PPP1R12A: variants seen among roughly 807,000 people sequenced by gnomAD.
The protein encoded by PPP1R12A is myosin binding subunit.
In PPP1R12A, 19 loss-of-function variants were observed where a neutral mutation model predicts 139.6. That is an observed-to-expected ratio of 0.14 (90% CI 0.09 to 0.20). The LOEUF is 0.20. Ranked by LOEUF, PPP1R12A falls within the 10% of genes least tolerant of loss-of-function variation. The pLI is 1.00. For synonymous variants in PPP1R12A, 427 were observed against 420.6 expected (o/e 1.02, Z -0.19); for missense variants, 925 against 1,211.5 (o/e 0.76, Z 3.51).
intron 1 of PPP1R12A, among the ~76,000 whole-genome samples, chr12:79,889,518 C>G (rs1003108988): frequency 6.6e-6 from 1 of 152,120 alleles, no homozygotes; most frequent in Non-Finnish European, 1.5e-5. Flanking sequence ...CTCCCATATC[C>G]CTGTATCTTT....
At chr12:79,922,726 C>A (rs1352945939) in intron 1 of PPP1R12A, among the ~76,000 whole-genome samples, 1 of 152,084 alleles carries the variant, frequency 6.6e-6, no homozygotes, top group Non-Finnish European at 1.5e-5. Context: ...AGGACAAATA[C>A]CTAATGCATG....
At chr12:79,928,811 G>A (rs183859020) in intron 1 of PPP1R12A, among the ~76,000 whole-genome samples, 33 of 152,258 alleles carry the variant, frequency 2.2e-4, no homozygotes, top group African/African-American at 6.7e-4. Flanking sequence ...CTTTACTGAC[G>A]AGAGGATCAC....
chr12:79,921,307 A>G (rs1017486390), intron 1 of PPP1R12A, among the ~76,000 whole-genome samples: 2 of 152,208 alleles, frequency 1.3e-5, no homozygotes, highest in Non-Finnish European at 1.5e-5. Context: ...AGGACAGATC[A>G]TATAAAAAGA....
intron 2 of PPP1R12A, among the ~76,000 whole-genome samples, chr12:79,864,732 T>C (rs368450836): frequency 2.0e-5 from 3 of 152,142 alleles, no homozygotes; most frequent in East Asian, 1.9e-4. Context: ...AAGAAATGGA[T>C]AAATTCCTCG....
rs1388113287 is a variant in PPP1R12A at position 79,796,819 on chromosome 12, A to G, written c.2424T>C (p.Ser808=). 3 of 1,611,590 alleles carry G rather than the reference A, an allele frequency of 1.9e-6. No individual in the cohort carries two copies. Among genetic ancestry groups the G allele is most frequent in the Non-Finnish European group, 1.7e-6 (2 of 1,178,172 alleles). ...NRPNSLVGIT[S]AYSRGITKEN... is the part of the protein sequence containing the mutation. ...CTTTTGTTATTCCTCTGGAGTAAGC[A>G]GAAGTTATGCCTACAAGACTATTTG... is the stretch of plus-strand genomic sequence containing the variant. The change falls in exon 17 of 25, where the codon TCT becomes TCC. Residue 808 remains serine, a synonymous_variant. Coordinates refer to ENST00000450142, the MANE Select transcript of PPP1R12A (RefSeq NM_002480.3).
chr12:79,812,821 A>G (rs1028565920), intron 9 of PPP1R12A, among the ~76,000 whole-genome samples: 2 of 152,060 alleles, frequency 1.3e-5, no homozygotes, highest in South Asian at 4.2e-4. Flanking sequence ...TATCTCTTCA[A>G]TCTCCTATGT....
chr12:79,861,958 G>A (rs1377986092), intron 2 of PPP1R12A, among the ~76,000 whole-genome samples: 2 of 152,184 alleles, frequency 1.3e-5, no homozygotes, highest in Non-Finnish European at 2.9e-5. Flanking sequence ...GAAGAGAGCA[G>A]TGGCTCTCCC....
At chr12:79,776,986 AAT>A (rs1869808326) in intron 24 of PPP1R12A, among the ~76,000 whole-genome samples, 1 of 152,148 alleles carries the variant, frequency 6.6e-6, no homozygotes, top group African/African-American at 2.4e-5. Context: ...ACGTGGAACC[AAT>A]ATGTTCTTAT....
chr12:79,842,318 A>G (rs1237038888), intron 3 of PPP1R12A, among the ~76,000 whole-genome samples: 1 of 152,182 alleles, frequency 6.6e-6, no homozygotes, highest in Non-Finnish European at 1.5e-5. Flanking sequence ...CGAAAACAAA[A>G]CAAAACAAAC....
chr12:79,813,341 T>C (rs1261100260), intron 9 of PPP1R12A, among the ~76,000 whole-genome samples: 1 of 152,200 alleles, frequency 6.6e-6, no homozygotes, highest in African/African-American at 2.4e-5. Flanking sequence ...TTAAGATTTA[T>C]CTAAAATGTC....
rs758716580 is a variant in PPP1R12A at position 79,832,311 on chromosome 12, T to G, written c.647+21A>C. On this transcript the variant is annotated intron_variant, in intron 4 of 24. Coordinates refer to ENST00000450142, the MANE Select transcript of PPP1R12A (RefSeq NM_002480.3). ...AGAAGACAAACTAAAATAGAAAAAC[T>G]CTGTAAAAAACAATACTTACTTTAA... 1.9e-6 allele frequency: 3 copies of G among 1,573,326 alleles called. No individual in the cohort carries two copies. In the South Asian group the frequency reaches 3.6e-5, roughly 19 times the overall value.
intron 1 of PPP1R12A, among the ~76,000 whole-genome samples, chr12:79,874,210 G>A (rs186390843): frequency 9.2e-4 from 139 of 151,302 alleles, no homozygotes; most frequent in Non-Finnish European, 1.7e-3. Flanking sequence ...GGAGGCAGAC[G>A]TTGCAGTGAG....
chr12:79,867,711 C>T (rs949994737), intron 2 of PPP1R12A, among the ~76,000 whole-genome samples: 1 of 152,076 alleles, frequency 6.6e-6, no homozygotes. Flanking sequence ...TTTCCATAAT[C>T]GCCACGTGTT....
At chr12:79,916,293 G>A (rs1886991299) in intron 1 of PPP1R12A, among the ~76,000 whole-genome samples, 1 of 151,976 alleles carries the variant, frequency 6.6e-6, no homozygotes, top group Non-Finnish European at 1.5e-5. Flanking sequence ...TCTTTTCACT[G>A]CCTTCAAAAA....
At chr12:79,783,050 G>A (rs1001300342) in intron 22 of PPP1R12A, among the ~76,000 whole-genome samples, 4 of 151,878 alleles carry the variant, frequency 2.6e-5, no homozygotes, top group African/African-American at 9.7e-5. Context: ...ATCATGGCTA[G>A]GTTTTCTTAC....
At position 79,807,273 on chromosome 12, in the gene PPP1R12A, A is replaced by G. The variant is rs1324550026; in HGVS notation, c.1608T>C (p.Asp536=). The G allele has an allele frequency of 6.4e-7, 1 of 1,555,760 alleles. No homozygotes were observed. Among genetic ancestry groups the G allele is most frequent in the Non-Finnish European group, 8.7e-7 (1 of 1,148,608 alleles). ...SSYTRRKWED[D]LKKNSSVNEG... Reference sequence around the variant, plus strand: ...CATTAACTGAGCTATTTTTTTTAAGATCATCTTCCCATTTTCTCCTTGTAT... The same window carrying G: ...CATTAACTGAGCTATTTTTTTTAAGGTCATCTTCCCATTTTCTCCTTGTAT... The change falls in exon 12 of 25, where the codon GAT becomes GAC. Residue 536 remains aspartate, a synonymous_variant. Transcript: ENST00000450142.
intron 3 of PPP1R12A, among the ~76,000 whole-genome samples, chr12:79,840,989 C>T (rs1878633918): frequency 6.6e-6 from 1 of 151,552 alleles, no homozygotes; most frequent in Non-Finnish European, 1.5e-5. Flanking sequence ...AATTCCAGTC[C>T]CAATGAATGT....
At chr12:79,797,033 A>C in intron 16 of PPP1R12A, 83 bp from the exon 17 acceptor site, 1 of 1,448,066 alleles carries the variant, frequency 6.9e-7, no homozygotes, top group Non-Finnish European at 9.4e-7. Flanking sequence ...CATTTCAAAG[A>C]AAAAGTAGTA....
At chr12:79,834,099 T>C (rs933776008) in intron 3 of PPP1R12A, among the ~76,000 whole-genome samples, 4 of 152,116 alleles carry the variant, frequency 2.6e-5, no homozygotes, top group African/African-American at 7.2e-5. Flanking sequence ...TGTGAACTTA[T>C]TATATGGCAG....
Sources: gnomAD v4.1 joint callset for allele counts (sites outside exome capture counted in the v4.1 genomes callset) on GRCh38, gnomAD v4.1.1 for gene constraint, MANE v1.5 for transcripts, NCBI Gene and HGNC (gene_info 2026-07-23, HGNC 2026-07-21) for gene names.